Variants in PAK5 observed in about 807,000 individuals in gnomAD.
PAK5 encodes p21 (RAC1) activated kinase 5, also known as serine/threonine-protein kinase PAK 5.
A neutral mutation model predicts 65.9 loss-of-function variants in PAK5; 16 were observed. The observed-to-expected ratio is 0.24, with a 90% CI of 0.16 to 0.37. PAK5 has a LOEUF of 0.37. Ranked by LOEUF, PAK5 falls within the 10% of genes least tolerant of loss-of-function variation. The pLI is 1.00. For synonymous variants in PAK5, 371 were observed against 354.9 expected, an observed-to-expected ratio of 1.05 and a Z score of -0.51; for missense variants, 785 against 903.9, an observed-to-expected ratio of 0.87 and a Z score of 1.69.
At position 9,644,221 on chromosome 20, in the gene PAK5, G is replaced by C. The variant is rs1169490387; in HGVS notation, c.108C>G (p.Pro36=). 1 of 1,608,992 alleles carries C rather than the reference G, an allele frequency of 6.2e-7. No individual in the cohort carries two copies. Reference sequence around the variant, plus strand: ...CTGCTAACAGGCTGTGCCACTGCTGGGGAAGGCCGGTAAACTTCTGCTCTT... The same window carrying C: ...CTGCTAACAGGCTGTGCCACTGCTGCGGAAGGCCGGTAAACTTCTGCTCTT... ...DPQEQKFTGL[P]QQWHSLLADT... is the part of the protein sequence containing the mutation. Residue 36 remains proline, a synonymous_variant, in exon 3 of 10, where the codon CCC becomes CCG. Coordinates refer to ENST00000353224, the MANE Select transcript of PAK5 (RefSeq NM_177990.4).
At chr20:9,702,607 C>A (rs567399869) in intron 2 of PAK5, among the ~76,000 whole-genome samples, 1 of 152,240 alleles carries the variant, frequency 6.6e-6, no homozygotes, top group Admixed American at 6.5e-5. Flanking sequence ...GATGTGGAAA[C>A]CTATAAAGGG....
At position 9,640,991 on chromosome 20, in the gene PAK5, C is replaced by T. The variant is rs530067267; in HGVS notation, c.204+3134G>A. 2.2e-4 allele frequency among the ~76,000 whole-genome samples: 34 copies of T among 152,268 alleles called. No individual in the cohort carries two copies. In the East Asian group the frequency reaches 6.2e-3, roughly 28 times the overall value. On this transcript the variant is annotated intron_variant, in intron 3 of 9. Transcript: ENST00000353224. Reference sequence around the variant, plus strand: ...CCCCAGTGGGCTGCCAATGCTGGCTCGGGCAGCCTGCTTTTATTCTTTTAT... The same window carrying T: ...CCCCAGTGGGCTGCCAATGCTGGCTTGGGCAGCCTGCTTTTATTCTTTTAT...
chr20:9,578,348 A>G (rs577923377), intron 4 of PAK5, among the ~76,000 whole-genome samples: 2 of 152,344 alleles, frequency 1.3e-5, no homozygotes, highest in East Asian at 1.9e-4. Context: ...AAAATAAAAA[A>G]GAGAGAAGAC....
At chr20:9,761,625 T>C (rs185942031) in intron 1 of PAK5, among the ~76,000 whole-genome samples, 15 of 152,136 alleles carry the variant, frequency 9.9e-5, no homozygotes, top group Admixed American at 3.3e-4. Flanking sequence ...GGAGGCACCA[T>C]ACTTCCCAAT....
chr20:9,621,696 G>A (rs183436398), intron 3 of PAK5, among the ~76,000 whole-genome samples: 10 of 152,270 alleles, frequency 6.6e-5, no homozygotes, highest in Non-Finnish European at 7.4e-5. Context: ...TCTGAGTGTG[G>A]TGGCTGACGG....
intron 7 of PAK5, among the ~76,000 whole-genome samples, chr20:9,552,988 A>C (rs2045452445): frequency 6.6e-6 from 1 of 152,066 alleles, no homozygotes; most frequent in Non-Finnish European, 1.5e-5. Context: ...CAGCCTCCCA[A>C]AGTGCTGAGA....
chr20:9,757,574 G>A (rs1449029601), intron 1 of PAK5, among the ~76,000 whole-genome samples: 1 of 152,116 alleles, frequency 6.6e-6, no homozygotes, highest in Admixed American at 6.6e-5. Context: ...CCAGAGTTCA[G>A]AGGTTCTGAG....
chr20:9,781,356 C>T (rs764915567), intron 1 of PAK5, among the ~76,000 whole-genome samples: 1 of 152,124 alleles, frequency 6.6e-6, no homozygotes, highest in Admixed American at 6.6e-5. Flanking sequence ...ACAGCTCACC[C>T]ATAGAAGGCC....
intron 3 of PAK5, among the ~76,000 whole-genome samples, chr20:9,643,434 T>C (rs920077736): frequency 5.3e-5 from 8 of 152,216 alleles, no homozygotes; most frequent in Non-Finnish European, 1.0e-4. Flanking sequence ...ATTACTTTTA[T>C]GAGCATTTAT....
At position 9,771,819 on chromosome 20, in the gene PAK5, C is replaced by A. The variant is rs1314546211; in HGVS notation, c.-161-60384G>T. On this transcript the variant is annotated intron_variant, in intron 1 of 9. Coordinates refer to ENST00000353224, the MANE Select transcript of PAK5 (RefSeq NM_177990.4). Reference sequence around the variant, plus strand: ...TTTGGGAGTCCGGGGGAGGGCGGATCACTTGAGCAGGAGTTTGAGACCAGC... The same window carrying A: ...TTTGGGAGTCCGGGGGAGGGCGGATAACTTGAGCAGGAGTTTGAGACCAGC... 2.6e-5 allele frequency among the ~76,000 whole-genome samples: 4 copies of A among 152,164 alleles called. No homozygotes were observed. In the South Asian group the frequency reaches 8.3e-4, roughly 32 times the overall value.
chr20:9,618,238 A>G (rs147396506), intron 3 of PAK5, among the ~76,000 whole-genome samples: 1 of 152,070 alleles, frequency 6.6e-6, no homozygotes, highest in East Asian at 1.9e-4. Flanking sequence ...ACATAACTCC[A>G]AAGAGTCAGG....
intron 7 of PAK5, among the ~76,000 whole-genome samples, chr20:9,556,356 A>G (rs2045506760): frequency 6.6e-6 from 1 of 152,204 alleles, no homozygotes; most frequent in Admixed American, 6.5e-5. Context: ...CATTTTCTAC[A>G]ATAATATTTA....
At chr20:9,827,979 G>C (rs535921087) in intron 1 of PAK5, among the ~76,000 whole-genome samples, 3 of 152,258 alleles carry the variant, frequency 2.0e-5, no homozygotes, top group African/African-American at 7.2e-5. Context: ...TCACAGGCGT[G>C]CGCCACCATG....
intron 1 of PAK5, among the ~76,000 whole-genome samples, chr20:9,723,791 C>T (rs994070590): frequency 1.3e-5 from 2 of 152,036 alleles, no homozygotes; most frequent in Admixed American, 1.3e-4. Context: ...CCAGCCAAAT[C>T]ACCCGAGCTA....
intron 3 of PAK5, among the ~76,000 whole-genome samples, chr20:9,609,976 A>T (rs781668786): frequency 2.0e-5 from 3 of 151,820 alleles, no homozygotes; most frequent in African/African-American, 4.8e-5. Context: ...TGAGGTAACC[A>T]AGTGTAGTAG....
At position 9,783,016 on chromosome 20, in the gene PAK5, A is replaced by G. The variant is rs537342545; in HGVS notation, c.-162+55746T>C. 1.2e-3 allele frequency among the ~76,000 whole-genome samples: 182 copies of G among 147,940 alleles called. 1 individual carries two copies. The highest frequency in any genetic ancestry group is 1.7e-3 in the Admixed American group (25 of 14,506). ...ATGATGTCGGCTCACCACAACCTCC[A>G]TCTCCTAGGTTCAAGCGATTTTCCT... On this transcript the variant is annotated intron_variant, in intron 1 of 9. Coordinates refer to ENST00000353224, the MANE Select transcript of PAK5 (RefSeq NM_177990.4).
intron 1 of PAK5, among the ~76,000 whole-genome samples, chr20:9,712,891 G>T (rs1192709977): frequency 6.6e-6 from 1 of 152,044 alleles, no homozygotes; most frequent in Non-Finnish European, 1.5e-5. Context: ...AGACTTAAAT[G>T]TAAAACCTAA....
intron 2 of PAK5, among the ~76,000 whole-genome samples, chr20:9,673,128 G>C (rs1437785781): frequency 2.6e-5 from 4 of 152,124 alleles, no homozygotes; most frequent in African/African-American, 7.2e-5. Context: ...TAGTGTGTTT[G>C]ACATATTATT....
Position 9,542,577 on chromosome 20 carries a change from G to A in PAK5, c.2004+9C>T, listed in dbSNP as rs772182020. 2 of 1,614,072 alleles carry A rather than the reference G, an allele frequency of 1.2e-6. No homozygotes were observed. Among genetic ancestry groups the A allele is most frequent in the Admixed American group, 1.7e-5 (1 of 60,026 alleles). Reference sequence around the variant, plus strand: ...ATTCTGAACTTTAGCAACAGCTGCTGTTTCTCACCTTGTGTAGGTCCTTCA... The same window carrying A: ...ATTCTGAACTTTAGCAACAGCTGCTATTTCTCACCTTGTGTAGGTCCTTCA... On this transcript the variant is annotated intron_variant, in intron 9 of 9. Coordinates refer to ENST00000353224, the MANE Select transcript of PAK5 (RefSeq NM_177990.4).
Sources: allele counts gnomAD v4.1 joint callset (sites outside exome capture counted in the v4.1 genomes callset), GRCh38; gene constraint gnomAD v4.1.1; transcripts MANE v1.5; gene names NCBI Gene and HGNC (gene_info 2026-07-23, HGNC 2026-07-21).